The following ROBO2 variants were observed in gnomAD, a reference collection of about 807,000 sequenced individuals.
ROBO2 encodes roundabout guidance receptor 2, also known as roundabout homolog 2.
A neutral mutation model predicts 160.8 loss-of-function variants in ROBO2; 53 were observed. The ratio of observed to expected loss-of-function variants is 0.33; its 90% confidence interval spans 0.26 to 0.41. The LOEUF (loss-of-function observed/expected upper bound fraction) is 0.41, where lower values mean the gene tolerates loss of function less well. Among genes scored for constraint, ROBO2 ranks in the 10% least tolerant of loss-of-function variants. The pLI, the probability that ROBO2 is intolerant of heterozygous loss-of-function variation, is 1.00. For missense variants in ROBO2, 1,577 were observed against 1,722.4 expected, an observed-to-expected ratio of 0.92 and a Z score of 1.49; for synonymous variants, 664 against 611.7, an observed-to-expected ratio of 1.09 and a Z score of -1.26.
chr3:77,089,396 G>T (rs1165692460), intron 1 of ROBO2, among the ~76,000 whole-genome samples: 1 of 152,100 alleles, frequency 6.6e-6, no homozygotes, highest in Non-Finnish European at 1.5e-5. Flanking sequence ...ATGTTGCAGG[G>T]TGCTATTTTG....
rs1298977083 is a variant in ROBO2, at chr3:77,644,878, G to A, written c.4109G>A (p.Ser1370Asn). Residue 1370 changes from serine to asparagine, a missense_variant, in exon 25 of 26, where the codon AGT becomes AAT. This residue lies in a region of ROBO2 where 637 missense variants were observed against 586.9 expected (regional missense o/e 1.09). Transcript: ENST00000461745. ...GACATAGGATATATGGGCTCCAACAGTCAAGGACAGTTTACAGGTGAATTA... is the reference window on the plus strand; with the variant it reads ...GACATAGGATATATGGGCTCCAACAATCAAGGACAGTTTACAGGTGAATTA... 12 of 1,613,950 alleles carry A rather than the reference G, an allele frequency of 7.4e-6. No individual in the cohort carries two copies. The highest frequency in any genetic ancestry group is 1.3e-5 in the African/African-American group (1 of 74,888).
At position 76,796,281 on chromosome 3, in the gene ROBO2, A is replaced by C. The variant is rs548648700; in HGVS notation, c.110-301733A>C. Among the ~76,000 whole-genome samples the C allele has an allele frequency of 2.6e-5, 4 of 152,184 alleles. No homozygotes were observed. The East Asian group carries it at 7.7e-4, about 29-fold the overall frequency. ...TAGAAGGCTACCTAATCTAACCTGAAAAATATGTTTTTTAGTGTAGCCACT... is the reference window on the plus strand; with the variant it reads ...TAGAAGGCTACCTAATCTAACCTGACAAATATGTTTTTTAGTGTAGCCACT... On this transcript the variant is annotated intron_variant, in intron 2 of 26. Coordinates refer to the ROBO2 transcript ENST00000487694.
intron 2 of ROBO2, among the ~76,000 whole-genome samples, chr3:75,962,433 A>C (rs17028584): frequency 4.0e-3 from 610 of 151,956 alleles, no homozygotes; most frequent in Non-Finnish European, 7.5e-3. Context: ...GCTTGGTTAG[A>C]TATAACGTGT....
At chr3:76,485,687 T>C (rs1252969637) in intron 2 of ROBO2, among the ~76,000 whole-genome samples, 1 of 152,170 alleles carries the variant, frequency 6.6e-6, no homozygotes, top group Non-Finnish European at 1.5e-5. Context: ...TTCTCACAGG[T>C]AAGGGTTGCT....
chr3:76,546,109 A>G (rs909572857), intron 2 of ROBO2, among the ~76,000 whole-genome samples: 12 of 151,902 alleles, frequency 7.9e-5, no homozygotes, highest in African/African-American at 2.9e-4. Context: ...TGGTAAAATC[A>G]TTCCAAATTC....
At chr3:76,292,911 G>T (rs1708875843) in intron 2 of ROBO2, among the ~76,000 whole-genome samples, 1 of 150,050 alleles carries the variant, frequency 6.7e-6, no homozygotes, top group South Asian at 2.1e-4. Context: ...CATGCCGATT[G>T]TAATTATTTT....
At position 77,048,574 on chromosome 3, in the gene ROBO2, G is replaced by A. The variant is rs80210862; in HGVS notation, c.61+7728G>A. Among the ~76,000 whole-genome samples, 138 of 152,276 alleles carry A rather than the reference G, an allele frequency of 9.1e-4. 3 individuals are homozygous for A. The East Asian group carries it at 0.024, about 27-fold the overall frequency. ...CTGGTGCTTTGATATAACGTACTGTGGAGATAAATCTTGTGTAAGACAAAC... is the reference window on the plus strand; with the variant it reads ...CTGGTGCTTTGATATAACGTACTGTAGAGATAAATCTTGTGTAAGACAAAC... On this transcript the variant is annotated intron_variant, in intron 1 of 25. Coordinates refer to ENST00000461745, the Ensembl canonical transcript of ROBO2.
chr3:77,069,862 T>C, intron 1 of ROBO2, among the ~76,000 whole-genome samples: 1 of 152,058 alleles, frequency 6.6e-6, no homozygotes, highest in South Asian at 2.1e-4. Context: ...CGCTGATATG[T>C]GTTGAATTGT....
chr3:76,418,580 A>G (rs1196576135), intron 2 of ROBO2, among the ~76,000 whole-genome samples: 1 of 149,504 alleles, frequency 6.7e-6, no homozygotes, highest in Non-Finnish European at 1.5e-5. Flanking sequence ...TTGGCCCAAT[A>G]AAAGTCTCCT....
intron 2 of ROBO2, among the ~76,000 whole-genome samples, chr3:76,249,815 C>G (rs917705456): frequency 6.6e-6 from 1 of 152,062 alleles, no homozygotes; most frequent in African/African-American, 2.4e-5. Flanking sequence ...ACCACCGTTT[C>G]TCAAAGGATA....
intron 2 of ROBO2, among the ~76,000 whole-genome samples, chr3:77,174,912 A>G (rs1343365699): frequency 6.6e-6 from 1 of 152,076 alleles, no homozygotes; most frequent in Non-Finnish European, 1.5e-5. Flanking sequence ...TGGCATTTAA[A>G]AATATCCTGA....
intron 21 of ROBO2, among the ~76,000 whole-genome samples, chr3:77,608,422 C>T (rs367949393): frequency 1.4e-4 from 22 of 152,278 alleles, no homozygotes; most frequent in Admixed American, 7.8e-4. Context: ...GTGGGTAGAA[C>T]TTTAATCATC....
intron 2 of ROBO2, among the ~76,000 whole-genome samples, chr3:76,482,542 T>C (rs998364030): frequency 6.6e-6 from 1 of 152,170 alleles, no homozygotes; most frequent in Non-Finnish European, 1.5e-5. Context: ...ATCACAGTCG[T>C]AGATTTTCCA....
chr3:77,141,628 C>A (rs2076712461), intron 2 of ROBO2, among the ~76,000 whole-genome samples: 1 of 152,144 alleles, frequency 6.6e-6, no homozygotes, highest in Admixed American at 6.6e-5. Context: ...ATCTGGACTG[C>A]CTGTGCATCT....
At chr3:76,127,620 A>G (rs1293670851) in intron 2 of ROBO2, among the ~76,000 whole-genome samples, 1 of 151,886 alleles carries the variant, frequency 6.6e-6, no homozygotes, top group Admixed American at 6.6e-5. Context: ...ATATACATAT[A>G]CTATCAAGAC....
chr3:76,777,699 A>G (rs1054275995), intron 2 of ROBO2, among the ~76,000 whole-genome samples: 8 of 151,154 alleles, frequency 5.3e-5, no homozygotes, highest in African/African-American at 1.9e-4. Context: ...GATTTATACT[A>G]ATAGGCTGTA....
chr3:77,318,435 C>T (rs2064301773), intron 2 of ROBO2, among the ~76,000 whole-genome samples: 1 of 152,200 alleles, frequency 6.6e-6, no homozygotes, highest in African/African-American at 2.4e-5. Context: ...GAAACATCTG[C>T]TGCAGGGAAC....
At chr3:76,698,763 T>C (rs1050590916) in intron 2 of ROBO2, among the ~76,000 whole-genome samples, 1 of 152,182 alleles carries the variant, frequency 6.6e-6, no homozygotes, top group Non-Finnish European at 1.5e-5. Flanking sequence ...TATTTATTTA[T>C]CTTTCAGTAT....
chr3:76,485,879 C>T (rs1465419025), intron 2 of ROBO2, among the ~76,000 whole-genome samples: 1 of 152,164 alleles, frequency 6.6e-6, no homozygotes, highest in Non-Finnish European at 1.5e-5. Flanking sequence ...CAAAATTTCA[C>T]ATTTTTCCTT....
Sources: allele counts gnomAD v4.1 joint callset (sites outside exome capture counted in the v4.1 genomes callset), GRCh38; gene constraint gnomAD v4.1.1; regional missense constraint gnomAD v4.1.1; transcripts MANE v1.5; gene names NCBI Gene and HGNC (gene_info 2026-07-23, HGNC 2026-07-21).